Variants in KHDRBS2 observed in about 807,000 individuals in gnomAD.
KHDRBS2 encodes KH RNA binding domain containing, signal transduction associated 2.
Under a neutral mutation model 44.3 loss-of-function variants are expected in KHDRBS2, and 26 were observed. That is an observed-to-expected ratio of 0.59 (90% CI 0.43 to 0.81). The LOEUF (loss-of-function observed/expected upper bound fraction) is 0.81, where lower values mean the gene tolerates loss of function less well. KHDRBS2 is among the 40% of genes least tolerant of loss of function. KHDRBS2 has a pLI of 0.00. For synonymous variants in KHDRBS2, 194 were observed against 151.1 expected, an observed-to-expected ratio of 1.28 and a Z score of -2.08; for missense variants, 476 against 433.1, an observed-to-expected ratio of 1.10 and a Z score of -0.88.
chr6:61,663,499 C>CAATATATATATATATATATATATATATA, the KHDRBS2 span, among the ~76,000 whole-genome samples: 5 of 5,632 alleles, frequency 8.9e-4, no homozygotes, highest in Admixed American at 2.3e-3. Context: ...GCATGAGACA[C>CAATATATATATATATATATATATATATA]CATATATATA....
intron 8 of KHDRBS2, among the ~76,000 whole-genome samples, chr6:61,692,891 A>G (rs968341514): frequency 2.4e-4 from 36 of 151,624 alleles, no homozygotes; most frequent in Non-Finnish European, 8.8e-5. Flanking sequence ...TCCTCACATA[A>G]CTCTCCAAGT....
chr6:61,967,025 T>G (rs1476605715), intron 4 of KHDRBS2, among the ~76,000 whole-genome samples: 1 of 151,836 alleles, frequency 6.6e-6, no homozygotes, highest in Admixed American at 6.6e-5. Context: ...TCTACAAAAA[T>G]TATGTATATT....
rs185131343 is a variant in KHDRBS2 at position 61,716,746 on chromosome 6, T to G, written c.893+15936A>C. Among the ~76,000 whole-genome samples, 645 of 152,116 alleles carry G rather than the reference T, an allele frequency of 4.2e-3. 5 individuals carry two copies. The highest frequency in any genetic ancestry group is 0.014 in the Admixed American group (212 of 15,244). On this transcript the variant is annotated intron_variant, in intron 7 of 8. Coordinates refer to ENST00000281156, the MANE Select transcript of KHDRBS2 (RefSeq NM_152688.4). Reference sequence around the variant, plus strand: ...TATGTTATTCATATGTTAAACTTTTTTGTGTGTGTGTGAAGCTAGGCTTCT... The same window carrying G: ...TATGTTATTCATATGTTAAACTTTTGTGTGTGTGTGTGAAGCTAGGCTTCT...
chr6:61,955,833 T>C (rs1166953632), intron 4 of KHDRBS2, among the ~76,000 whole-genome samples: 1 of 152,098 alleles, frequency 6.6e-6, no homozygotes, highest in Non-Finnish European at 1.5e-5. Context: ...AGAAAGATCC[T>C]ATGAGGTCAG....
chr6:61,566,438 G>T, the KHDRBS2 span, among the ~76,000 whole-genome samples: 53 of 152,204 alleles, frequency 3.5e-4, 1 homozygote, highest in African/African-American at 1.2e-3. Flanking sequence ...TAAAGTATTA[G>T]ATATCCCAAT....
chr6:61,562,449 T>C, the KHDRBS2 span, among the ~76,000 whole-genome samples: 2 of 152,118 alleles, frequency 1.3e-5, no homozygotes, highest in Admixed American at 1.3e-4. Flanking sequence ...AATAAGAGGG[T>C]GAATTCTCCC....
the KHDRBS2 span, chr6:61,652,234 A>T: frequency 6.6e-6 from 1 of 152,106 alleles, no homozygotes; most frequent in Non-Finnish European, 1.5e-5. Context: ...TATTTATTTA[A>T]CAAATATTTA....
At chr6:61,604,612 C>T in the KHDRBS2 span, among the ~76,000 whole-genome samples, 5 of 152,198 alleles carry the variant, frequency 3.3e-5, no homozygotes, top group African/African-American at 1.2e-4. Context: ...AATCTATCCT[C>T]AAGGAAATCA....
At chr6:62,274,884 T>C (rs1199405150) in intron 1 of KHDRBS2, among the ~76,000 whole-genome samples, 2 of 152,146 alleles carry the variant, frequency 1.3e-5, no homozygotes, top group East Asian at 3.8e-4. Flanking sequence ...ATTGCTTCTC[T>C]TTGATTCCCA....
chr6:62,171,828 G>A (rs775600789), intron 2 of KHDRBS2, among the ~76,000 whole-genome samples: 2 of 152,048 alleles, frequency 1.3e-5, no homozygotes, highest in Non-Finnish European at 2.9e-5. Flanking sequence ...CTACCAAAAT[G>A]AGCTTCATAA....
the KHDRBS2 span, among the ~76,000 whole-genome samples, chr6:61,562,474 G>A: frequency 2.0e-5 from 3 of 152,100 alleles, no homozygotes; most frequent in Non-Finnish European, 1.5e-5. Flanking sequence ...GAAAAGAAGG[G>A]AAGAGGTTTT....
chr6:61,986,592 G>A (rs1775095671), intron 3 of KHDRBS2, among the ~76,000 whole-genome samples: 1 of 152,160 alleles, frequency 6.6e-6, no homozygotes, highest in African/African-American at 2.4e-5. Flanking sequence ...ATATTTCTTA[G>A]TCTGGTCAGG....
chr6:62,068,777 G>A (rs771596758), intron 2 of KHDRBS2, among the ~76,000 whole-genome samples: 29 of 151,274 alleles, frequency 1.9e-4, no homozygotes, highest in Non-Finnish European at 4.0e-4. Flanking sequence ...GAATGATCTT[G>A]GCATTATTAT....
At chr6:62,223,297 A>G (rs1831204850) in intron 1 of KHDRBS2, among the ~76,000 whole-genome samples, 1 of 152,188 alleles carries the variant, frequency 6.6e-6, no homozygotes, top group Admixed American at 6.5e-5. Flanking sequence ...CGAGCTCTGC[A>G]TTAGCCCCTT....
chr6:62,060,312 T>C (rs1049721954), intron 2 of KHDRBS2, among the ~76,000 whole-genome samples: 1 of 151,772 alleles, frequency 6.6e-6, no homozygotes, highest in Non-Finnish European at 1.5e-5. Context: ...GGAAGTAGGC[T>C]GTGGTATGAT....
intron 1 of KHDRBS2, among the ~76,000 whole-genome samples, chr6:62,190,122 G>A (rs957348025): frequency 6.6e-6 from 1 of 152,068 alleles, no homozygotes; most frequent in Non-Finnish European, 1.5e-5. Context: ...GGCAATGAAT[G>A]CAAGAGGAAG....
chr6:61,947,835 C>G (rs146896551), intron 4 of KHDRBS2, among the ~76,000 whole-genome samples: 38 of 151,258 alleles, frequency 2.5e-4, no homozygotes, highest in South Asian at 8.4e-4. Context: ...AAACCACTGG[C>G]ACATGGAAGT....
chr6:61,637,879 G>GTGT, the KHDRBS2 span, among the ~76,000 whole-genome samples: 32 of 151,910 alleles, frequency 2.1e-4, no homozygotes, highest in Non-Finnish European at 4.0e-4. Flanking sequence ...TTTGATGGGG[G>GTGT]TGTTTGTTTT....
In KHDRBS2 at chr6:61,827,451, T is replaced by C. The variant is rs150672844; in HGVS notation, c.810+67184A>G. On this transcript the variant is annotated intron_variant, in intron 6 of 8. Coordinates refer to ENST00000281156, the MANE Select transcript of KHDRBS2 (RefSeq NM_152688.4). ...TGCCTGTTAGGAGGAAACAATTTTC[T>C]ATATTGAAAATGCTAGGCAGGATGT... 8.5e-5 allele frequency among the ~76,000 whole-genome samples: 13 copies of C among 152,328 alleles called. 1 individual carries two copies. In the East Asian group the frequency reaches 2.1e-3, roughly 25 times the overall value.
Sources: allele counts gnomAD v4.1 joint callset (sites outside exome capture counted in the v4.1 genomes callset), GRCh38; gene constraint gnomAD v4.1.1; transcripts MANE v1.5; gene names NCBI Gene and HGNC (gene_info 2026-07-23, HGNC 2026-07-21).